TCF25: variants seen among roughly 807,000 people sequenced by gnomAD.
The protein encoded by TCF25 is ribosome quality control complex subunit TCF25.
TCF25 carries 41 observed loss-of-function variants against 83.1 expected under a neutral mutation model. The observed-to-expected ratio is 0.49, with a 90% CI of 0.38 to 0.64. The LOEUF (loss-of-function observed/expected upper bound fraction) is 0.64. Ranked by LOEUF, TCF25 falls within the 30% of genes least tolerant of loss-of-function variation. The pLI, the probability that TCF25 is intolerant of heterozygous loss-of-function variation, is 0.00. For synonymous variants in TCF25, 458 were observed against 365.0 expected, an observed-to-expected ratio of 1.25 and a Z score of -2.90; for missense variants, 979 against 914.5, an observed-to-expected ratio of 1.07 and a Z score of -0.91.
Position 89,910,751 on chromosome 16 carries a change from G to C in TCF25, c.1872+88G>C, listed in dbSNP as rs759837608. ...GAATGCCTGGAGCCTCCTTGAACCA[G>C]GACTGTGCCAGCCGGCACAGGGAGC... On this transcript the variant is annotated intron_variant, in intron 17 of 17. Coordinates refer to ENST00000263346, the MANE Select transcript of TCF25 (RefSeq NM_014972.3). 26 of 1,444,810 alleles carry C rather than the reference G, an allele frequency of 1.8e-5. 1 individual carries two copies. The highest frequency in any genetic ancestry group is 3.6e-4 in the Middle Eastern group (2 of 5,600). 89.5% of individuals were successfully genotyped at this position (1,444,810 alleles called of 1,614,324 possible).
intron 17 of TCF25, among the ~76,000 whole-genome samples, 188 bp from the exon 18 acceptor site, chr16:89,910,892 T>C (rs773887521): frequency 3.3e-5 from 5 of 152,240 alleles, no homozygotes; most frequent in Admixed American, 6.5e-5. Context: ...GATCCCACTC[T>C]GTGCCTGGCT....
At chr16:89,883,539 G>C (rs1314738507) in intron 2 of TCF25, 27 bp downstream of exon 2, 1 of 1,567,914 alleles carries the variant, frequency 6.4e-7, no homozygotes, top group Non-Finnish European at 8.7e-7. Flanking sequence ...TGAGGAGGTG[G>C]CATCAGACGG....
At chr16:89,879,264 G>T (rs1375621139) in intron 1 of TCF25, among the ~76,000 whole-genome samples, 3 of 140,088 alleles carry the variant, frequency 2.1e-5, no homozygotes, top group African/African-American at 8.1e-5. Flanking sequence ...TGGGCTTCGG[G>T]GCCTGTCACA....
intron 12 of TCF25, 137 bp from the exon 13 acceptor site, chr16:89,903,981 G>A (rs1051504565): frequency 1.2e-5 from 10 of 832,528 alleles, no homozygotes; most frequent in African/African-American, 5.2e-5. Context: ...GAAGCAAGCC[G>A]CTGGCCCTGC....
At position 89,907,301 on chromosome 16, in the gene TCF25, A is replaced by G. The variant is rs2044874391; in HGVS notation, c.1778A>G (p.Tyr593Cys). ...CCTCTGCCTCCTTCGGACACAATCT[A>G]CTCCTACGTCAGGCCAGAGAGGTAC... ...FDPLPPSDTI[Y>C]SYVRPERLSP... Residue 593 changes from tyrosine (Y) to cysteine (C), a missense_variant, in exon 16 of 18, where the codon TAC becomes TGC. Transcript: ENST00000263346. The G allele has an allele frequency of 6.3e-7, 1 of 1,579,770 alleles. No homozygotes were observed. The highest frequency in any genetic ancestry group is 8.6e-7 in the Non-Finnish European group (1 of 1,162,590).
At chr16:89,881,969 G>C (rs1391968786) in intron 1 of TCF25, among the ~76,000 whole-genome samples, 1 of 151,904 alleles carries the variant, frequency 6.6e-6, no homozygotes, top group Non-Finnish European at 1.5e-5. Flanking sequence ...TGGTCAGGCT[G>C]GTCTTGAATT....
rs9922515 is a variant in TCF25, at chr16:89,887,730, G to C, written c.614+13G>C. ...TGGGGGAGCAAAGGTAAGGTCCACA[G>C]TGAGCTGCATTCTCACAGCTGCTTC... On this transcript the variant is annotated intron_variant, in intron 5 of 17. Coordinates refer to ENST00000263346, the MANE Select transcript of TCF25 (RefSeq NM_014972.3). 0.14 allele frequency: 213,442 copies of C among 1,561,870 alleles called. 20,832 individuals are homozygous for C. The highest frequency in any genetic ancestry group is 0.5 in the African/African-American group (35,926 of 72,158).
At chr16:89,909,675 CAA>C (rs570932821) in intron 16 of TCF25, 15,889 of 89,910 alleles carry the variant, frequency 0.18, 1,055 homozygotes, top group East Asian at 0.36. Context: ...GACTCCATCT[CAA>C]AAAAAAAAAA....
At chr16:89,906,994 C>G (rs2044845983) in intron 15 of TCF25, among the ~76,000 whole-genome samples, 1 of 152,104 alleles carries the variant, frequency 6.6e-6, no homozygotes, top group Non-Finnish European at 1.5e-5. Flanking sequence ...ACCACACACT[C>G]TGGTGTGCAG....
chr16:89,875,305 G>C (rs2042094353), intron 1 of TCF25, among the ~76,000 whole-genome samples: 1 of 152,222 alleles, frequency 6.6e-6, no homozygotes, highest in Non-Finnish European at 1.5e-5. Context: ...GTGACAACCT[G>C]TTTATATCTT....
intron 1 of TCF25, among the ~76,000 whole-genome samples, chr16:89,878,806 A>G (rs1444926648): frequency 6.6e-6 from 1 of 151,962 alleles, no homozygotes; most frequent in Admixed American, 6.6e-5. Flanking sequence ...ACGCCCGGCA[A>G]GTTTTTTTGT....
At position 89,911,014 on chromosome 16, in the gene TCF25, C is replaced by A. The variant is rs1254833126; in HGVS notation, c.1873-66C>A. On this transcript the variant is annotated intron_variant, in intron 17 of 17. Coordinates refer to ENST00000263346, the MANE Select transcript of TCF25 (RefSeq NM_014972.3). ...ACCTCGGGCTCCACAGTGCCTCCTGCTTGGGCCCCGGGCCCCTAGTCCCAG... is the reference window on the plus strand; with the variant it reads ...ACCTCGGGCTCCACAGTGCCTCCTGATTGGGCCCCGGGCCCCTAGTCCCAG... 3 of 1,591,998 alleles carry A rather than the reference C, an allele frequency of 1.9e-6. No individual in the cohort carries two copies. In the South Asian group the frequency reaches 3.3e-5, roughly 18 times the overall value.
intron 2 of TCF25, 45 bp downstream of exon 2, chr16:89,883,557 C>G (rs1440036671): frequency 1.3e-6 from 2 of 1,542,336 alleles, no homozygotes; most frequent in South Asian, 1.2e-5. Context: ...CGGGAGAGTT[C>G]CAAGGCACCC....
intron 14 of TCF25, 145 bp downstream of exon 14, chr16:89,905,241 A>G: frequency 8.4e-7 from 1 of 1,190,314 alleles, no homozygotes; most frequent in South Asian, 1.6e-5. Context: ...AGCCTACAAG[A>G]CAGCGCACAG....
At chr16:89,897,696 G>A (rs990322015) in intron 9 of TCF25, among the ~76,000 whole-genome samples, 2 of 152,224 alleles carry the variant, frequency 1.3e-5, no homozygotes, top group Non-Finnish European at 2.9e-5. Flanking sequence ...AAAGTCACAG[G>A]GCTCCATGTA....
At chr16:89,909,150 G>T in intron 16 of TCF25, 1 of 1,279,958 alleles carries the variant, frequency 7.8e-7, no homozygotes, top group Non-Finnish European at 1.0e-6. Flanking sequence ...TTAGAATGTA[G>T]AAATAAACAT....
At chr16:89,877,165 A>G (rs1238683119) in intron 1 of TCF25, among the ~76,000 whole-genome samples, 1 of 152,092 alleles carries the variant, frequency 6.6e-6, no homozygotes, top group African/African-American at 2.4e-5. Context: ...GTCTATTTCT[A>G]CTTTCAACCC....
At chr16:89,881,272 A>G (rs7199259) in intron 1 of TCF25, among the ~76,000 whole-genome samples, 9 of 152,158 alleles carry the variant, frequency 5.9e-5, no homozygotes. Flanking sequence ...TGTTTCAGAA[A>G]CTATCTCAGG....
intron 15 of TCF25, among the ~76,000 whole-genome samples, chr16:89,906,826 G>T (rs2044830399): frequency 6.6e-6 from 1 of 152,112 alleles, no homozygotes; most frequent in Admixed American, 6.5e-5. Flanking sequence ...CTGGGGCTGT[G>T]AGCTTCTGAC....
Sources: allele counts gnomAD v4.1 joint callset (sites outside exome capture counted in the v4.1 genomes callset), GRCh38; gene constraint gnomAD v4.1.1; transcripts MANE v1.5; gene names NCBI Gene and HGNC (gene_info 2026-07-23, HGNC 2026-07-21).